The following DLGAP2 variants were observed in gnomAD, a reference collection of about 807,000 sequenced individuals.
DLGAP2 encodes DLG associated protein 2.
Under a neutral mutation model 100.3 loss-of-function variants are expected in DLGAP2, and 26 were observed. The ratio of observed to expected loss-of-function variants is 0.26; its 90% confidence interval spans 0.19 to 0.36. DLGAP2 has a LOEUF of 0.36. DLGAP2 is among the 10% of genes least tolerant of loss of function. The pLI is 1.00. For synonymous variants in DLGAP2, 886 were observed against 630.1 expected (o/e 1.41, Z -6.08); for missense variants, 1,858 against 1,453.2 (o/e 1.28, Z -4.53).
chr8:1,325,387 A>G (rs1297810945), intron 3 of DLGAP2, among the ~76,000 whole-genome samples: 2 of 152,336 alleles, frequency 1.3e-5, no homozygotes, highest in African/African-American at 2.4e-5. Flanking sequence ...CACCTCCAGC[A>G]GCCCTGGTCC....
intron 3 of DLGAP2, among the ~76,000 whole-genome samples, chr8:1,471,756 C>T (rs1246405977): frequency 6.6e-6 from 1 of 152,180 alleles, no homozygotes; most frequent in Non-Finnish European, 1.5e-5. Context: ...TAGGAATTCA[C>T]CCTTGCTACT....
chr8:1,235,189 C>A (rs375178810), intron 2 of DLGAP2, among the ~76,000 whole-genome samples: 1 of 129,416 alleles, frequency 7.7e-6, no homozygotes. Context: ...TGTCTGCTTC[C>A]CTCACACATG....
chr8:1,042,178 G>C (rs977312377), intron 2 of DLGAP2, among the ~76,000 whole-genome samples: 2 of 152,190 alleles, frequency 1.3e-5, no homozygotes, highest in Admixed American at 1.3e-4. Flanking sequence ...CCTCACACCT[G>C]AGTGATGCCT....
intron 2 of DLGAP2, among the ~76,000 whole-genome samples, chr8:968,941 C>G (rs1799947074): frequency 6.6e-6 from 1 of 152,178 alleles, no homozygotes. Context: ...GTTGTTTCAC[C>G]TAAAGTCACA....
chr8:1,522,541 A>C (rs1563199925), intron 4 of DLGAP2, among the ~76,000 whole-genome samples: 1 of 152,156 alleles, frequency 6.6e-6, no homozygotes, highest in Non-Finnish European at 1.5e-5. Context: ...CCATCAGCAG[A>C]TCCTTTACTT....
intron 5 of DLGAP2, among the ~76,000 whole-genome samples, chr8:1,555,908 G>A (rs112071346): frequency 0.024 from 3,703 of 152,290 alleles, 164 homozygotes; most frequent in African/African-American, 0.084. Context: ...TCACGCCTCC[G>A]TTTGTGGTGA....
chr8:1,236,157 T>TAGCGTCTTGTCTAGTTCTCTCTCACACAG (rs1798647839), intron 2 of DLGAP2, among the ~76,000 whole-genome samples: 1 of 78,750 alleles, frequency 1.3e-5, no homozygotes, highest in Non-Finnish European at 2.6e-5. Context: ...CTCTCACACA[T>TAGCGTCTTGTCTAGTTCTCTCTCACACAG]AGCGTCTTGT....
chr8:1,028,264 A>G (rs1285753324), intron 2 of DLGAP2, among the ~76,000 whole-genome samples: 1 of 139,022 alleles, frequency 7.2e-6, no homozygotes, highest in African/African-American at 2.8e-5. Context: ...GGCGCCCGTT[A>G]TTCTCCAGGT....
intron 1 of DLGAP2, among the ~76,000 whole-genome samples, chr8:891,823 A>G (rs969472826): frequency 3.3e-5 from 5 of 152,022 alleles, no homozygotes; most frequent in Non-Finnish European, 5.9e-5. Context: ...CTGGGGATAC[A>G]AAGCCTGCAT....
intron 2 of DLGAP2, among the ~76,000 whole-genome samples, chr8:1,067,285 C>G (rs1168267447): frequency 1.3e-5 from 2 of 152,218 alleles, no homozygotes; most frequent in South Asian, 2.1e-4. Flanking sequence ...GAAGGGTATG[C>G]TCTGGTCAGG....
In DLGAP2 at chr8:1,413,486, CAA is replaced by C. The variant is rs370313102; in HGVS notation, c.107-87876_107-87875del. On this transcript the variant is annotated intron_variant, in intron 3 of 14. Transcript: ENST00000637795. ...ACTATGCATATTTTACTTAGATTCT[CAA>C]AAAGTTGTAGATTACTTTGCACTAA... 1.2e-4 allele frequency among the ~76,000 whole-genome samples: 18 copies of C among 152,236 alleles called. No individual in the cohort carries two copies. The East Asian group carries it at 3.3e-3, about 28-fold the overall frequency.
chr8:1,191,945 C>T (rs1797649251), intron 2 of DLGAP2, among the ~76,000 whole-genome samples: 1 of 152,226 alleles, frequency 6.6e-6, no homozygotes, highest in African/African-American at 2.4e-5. Flanking sequence ...ATTGTTTTCT[C>T]ATGTGCATGT....
chr8:801,763 C>T (rs1361583564), intron 1 of DLGAP2, among the ~76,000 whole-genome samples: 3 of 152,164 alleles, frequency 2.0e-5, no homozygotes, highest in Non-Finnish European at 4.4e-5. Flanking sequence ...ATAACGTTCA[C>T]AATAGGCTGT....
At chr8:1,527,890 C>G (rs1446572792) in intron 4 of DLGAP2, among the ~76,000 whole-genome samples, 1 of 151,684 alleles carries the variant, frequency 6.6e-6, no homozygotes, top group Non-Finnish European at 1.5e-5. Flanking sequence ...CACAGCTCAT[C>G]TTTATGTTCA....
At chr8:1,367,167 C>A (rs942898460) in intron 3 of DLGAP2, among the ~76,000 whole-genome samples, 2 of 152,178 alleles carry the variant, frequency 1.3e-5, no homozygotes, top group African/African-American at 4.8e-5. Flanking sequence ...TTTTGAGAAA[C>A]AGTTTATCTT....
At chr8:1,448,118 C>A (rs999648672) in intron 3 of DLGAP2, among the ~76,000 whole-genome samples, 1 of 152,050 alleles carries the variant, frequency 6.6e-6, no homozygotes, top group Non-Finnish European at 1.5e-5. Flanking sequence ...TTATTTCTTG[C>A]CTTCTGCTAG....
chr8:1,421,347 G>T (rs745389699), intron 3 of DLGAP2, among the ~76,000 whole-genome samples: 1 of 152,134 alleles, frequency 6.6e-6, no homozygotes, highest in African/African-American at 2.4e-5. Context: ...GAATCTTCCA[G>T]CTGTGTTTGA....
intron 1 of DLGAP2, among the ~76,000 whole-genome samples, chr8:823,335 A>G (rs1457061056): frequency 7.2e-6 from 1 of 138,728 alleles, no homozygotes; most frequent in Non-Finnish European, 1.6e-5. Flanking sequence ...TATTATTATT[A>G]TTATTGATAT....
chr8:1,171,333 T>G (rs189827132), intron 2 of DLGAP2, among the ~76,000 whole-genome samples: 24 of 152,140 alleles, frequency 1.6e-4, no homozygotes, highest in East Asian at 3.9e-4. Flanking sequence ...TCGGTGTGGT[T>G]TGGTGCTGAA....
Sources: allele counts gnomAD v4.1 joint callset (sites outside exome capture counted in the v4.1 genomes callset), GRCh38; gene constraint gnomAD v4.1.1; transcripts MANE v1.5; gene names NCBI Gene and HGNC (gene_info 2026-07-23, HGNC 2026-07-21).